GRIP1: variants seen among roughly 807,000 people sequenced by gnomAD.
GRIP1 encodes glutamate receptor-interacting protein 1.
GRIP1 carries 45 observed loss-of-function variants against 129.9 expected under a neutral mutation model. The observed-to-expected ratio is 0.35, with a 90% confidence interval of 0.27 to 0.44. The LOEUF (loss-of-function observed/expected upper bound fraction) is 0.44, where lower values mean the gene tolerates loss of function less well. Ranked by LOEUF, GRIP1 falls within the 20% of genes least tolerant of loss-of-function variation. The pLI is 1.00. For synonymous variants in GRIP1, 530 were observed against 520.8 expected (o/e 1.02, Z -0.24); for missense variants, 1,196 against 1,396.8 (o/e 0.86, Z 2.29).
At chr12:66,598,957 A>G (rs1345321417) in intron 1 of GRIP1, among the ~76,000 whole-genome samples, 1 of 151,946 alleles carries the variant, frequency 6.6e-6, no homozygotes, top group Non-Finnish European at 1.5e-5. Flanking sequence ...CTCTATTTTA[A>G]GGAGCTAGTT....
At chr12:67,047,661 T>C (rs1035282860) in intron 1 of GRIP1, among the ~76,000 whole-genome samples, 1 of 152,194 alleles carries the variant, frequency 6.6e-6, no homozygotes, top group African/African-American at 2.4e-5. Context: ...CTGATTGCCA[T>C]TACCCCATTA....
intron 1 of GRIP1, among the ~76,000 whole-genome samples, chr12:67,051,730 G>A (rs759356045): frequency 3.3e-5 from 5 of 152,166 alleles, no homozygotes; most frequent in Admixed American, 1.3e-4. Context: ...AACGCATCCC[G>A]TCAGATCCCA....
intron 16 of GRIP1, among the ~76,000 whole-genome samples, chr12:66,398,867 T>C (rs1305399578): frequency 6.6e-6 from 1 of 151,996 alleles, no homozygotes; most frequent in African/African-American, 2.4e-5. Context: ...TTTCACTCTA[T>C]GTTTTAAGGA....
At chr12:66,727,294 G>T (rs1310612304) in intron 1 of GRIP1, among the ~76,000 whole-genome samples, 1 of 152,208 alleles carries the variant, frequency 6.6e-6, no homozygotes, top group Non-Finnish European at 1.5e-5. Flanking sequence ...GAATAGGTGG[G>T]GGCAAATATC....
At chr12:66,421,170 G>T (rs924247429) in intron 14 of GRIP1, among the ~76,000 whole-genome samples, 1 of 152,194 alleles carries the variant, frequency 6.6e-6, no homozygotes, top group Non-Finnish European at 1.5e-5. Context: ...TTCCAGTGAG[G>T]AGACACCACT....
intron 1 of GRIP1, among the ~76,000 whole-genome samples, chr12:66,727,956 G>T (rs982162019): frequency 1.3e-5 from 2 of 152,154 alleles, no homozygotes; most frequent in African/African-American, 4.8e-5. Context: ...TATTTTTACA[G>T]TGCTATCCTT....
rs1034546556 is a variant in GRIP1 at position 66,565,006 on chromosome 12, G to C, written c.137-23056C>G. Among the ~76,000 whole-genome samples, 5 of 152,268 alleles carry C rather than the reference G, an allele frequency of 3.3e-5. No homozygotes were observed. In the Middle Eastern group the frequency reaches 0.01, roughly 311 times the overall value. ...TCTTGTAAATTTGTTTAGATTCTTTGTAGATTCTGGATATTAGCCCTTTGT... is the reference window on the plus strand; with the variant it reads ...TCTTGTAAATTTGTTTAGATTCTTTCTAGATTCTGGATATTAGCCCTTTGT... On this transcript the variant is annotated intron_variant, in intron 2 of 24. Coordinates refer to ENST00000359742, the MANE Select transcript of GRIP1 (RefSeq NM_001366722.1).
intron 1 of GRIP1, among the ~76,000 whole-genome samples, chr12:66,715,516 G>T (rs1326113463): frequency 6.9e-6 from 1 of 145,602 alleles, no homozygotes; most frequent in African/African-American, 2.5e-5. Context: ...GAGAGAGAGA[G>T]AACTGTCTCC....
chr12:66,449,587 A>G (rs1205968043), intron 11 of GRIP1, among the ~76,000 whole-genome samples: 1 of 152,180 alleles, frequency 6.6e-6, no homozygotes. Context: ...GCCAGGTCTG[A>G]CACATAGACT....
chr12:67,067,864 G>C (rs2043656959), intron 1 of GRIP1, among the ~76,000 whole-genome samples: 1 of 152,116 alleles, frequency 6.6e-6, no homozygotes, highest in Admixed American at 6.6e-5. Flanking sequence ...GCCTCCTCTG[G>C]CTTTCCTCGC....
intron 1 of GRIP1, among the ~76,000 whole-genome samples, chr12:67,031,640 G>A (rs1002413647): frequency 2.0e-5 from 3 of 151,954 alleles, no homozygotes; most frequent in African/African-American, 7.3e-5. Flanking sequence ...TTACCTGACC[G>A]CTCTCTCTAT....
At chr12:66,899,987 C>T (rs2040819058) in intron 1 of GRIP1, among the ~76,000 whole-genome samples, 1 of 152,036 alleles carries the variant, frequency 6.6e-6, no homozygotes, top group African/African-American at 2.4e-5. Context: ...ATACATTCTC[C>T]ATTCTTGGGC....
At chr12:66,675,162 ATGAGCTT>A (rs1308327479) in intron 1 of GRIP1, among the ~76,000 whole-genome samples, 1 of 152,210 alleles carries the variant, frequency 6.6e-6, no homozygotes, top group African/African-American at 2.4e-5. Flanking sequence ...GGTTTCCGAC[ATGAGCTT>A]TGAGCCAGTA....
intron 9 of GRIP1, among the ~76,000 whole-genome samples, chr12:66,458,829 C>T (rs2059048295): frequency 6.6e-6 from 1 of 152,232 alleles, no homozygotes; most frequent in African/African-American, 2.4e-5. Context: ...TCCTTCCTGC[C>T]TCAAGGCCTT....
At chr12:66,932,521 T>A (rs2041414145) in intron 1 of GRIP1, among the ~76,000 whole-genome samples, 1 of 152,038 alleles carries the variant, frequency 6.6e-6, no homozygotes, top group Non-Finnish European at 1.5e-5. Flanking sequence ...GCTCTGAGAC[T>A]TAAGCGAATA....
chr12:66,457,537 C>T (rs2059003742), intron 9 of GRIP1, among the ~76,000 whole-genome samples: 2 of 152,326 alleles, frequency 1.3e-5, no homozygotes, highest in Non-Finnish European at 2.9e-5. Context: ...GGGATTAAGG[C>T]ATGAGCCACC....
intron 7 of GRIP1, among the ~76,000 whole-genome samples, chr12:66,477,546 A>T (rs1301323104): frequency 6.6e-6 from 1 of 152,044 alleles, no homozygotes; most frequent in African/African-American, 2.4e-5. Context: ...TTCATATGGA[A>T]CCAAAAAAGA....
At chr12:66,579,970 T>G (rs1426675779) in intron 2 of GRIP1, among the ~76,000 whole-genome samples, 1 of 146,474 alleles carries the variant, frequency 6.8e-6, no homozygotes, top group Non-Finnish European at 1.5e-5. Context: ...TTCACCAAAG[T>G]TGAAATGAAG....
At chr12:67,043,699 C>T (rs1430143295) in intron 1 of GRIP1, among the ~76,000 whole-genome samples, 2 of 152,042 alleles carry the variant, frequency 1.3e-5, no homozygotes, top group Non-Finnish European at 2.9e-5. Context: ...TCTCCCTTAT[C>T]AGTACTATTT....
Sources: gnomAD v4.1 joint callset for allele counts (sites outside exome capture counted in the v4.1 genomes callset) on GRCh38, gnomAD v4.1.1 for gene constraint, MANE v1.5 for transcripts, NCBI Gene and HGNC (gene_info 2026-07-23, HGNC 2026-07-21) for gene names.